Variants in INSC observed in about 807,000 individuals in gnomAD.
INSC encodes the protein protein inscuteable homolog.
In INSC, 67 loss-of-function variants were observed where a neutral mutation model predicts 58.6. That is an observed-to-expected ratio of 1.14 (90% CI 0.94 to 1.40). The LOEUF (loss-of-function observed/expected upper bound fraction) is 1.40. Ranked by LOEUF, INSC falls within the 40% of genes most tolerant of loss-of-function variation. The probability of loss-of-function intolerance (pLI) is 0.00; values close to 1 mark genes in which losing one functional copy is unlikely to be tolerated. For synonymous variants in INSC, 262 were observed against 276.1 expected (o/e 0.95, Z 0.51); for missense variants, 714 against 692.0 (o/e 1.03, Z -0.36).
At chr11:15,226,293 T>C (rs1792560) in intron 9 of INSC, among the ~76,000 whole-genome samples, 97,134 of 151,946 alleles carry the variant, frequency 0.64, 31,684 homozygotes, top group East Asian at 0.96. Flanking sequence ...CCCCTCTTTA[T>C]CTCCATGAGA....
intron 5 of INSC, among the ~76,000 whole-genome samples, chr11:15,187,549 C>A (rs555327287): frequency 6.6e-6 from 1 of 152,300 alleles, no homozygotes; most frequent in African/African-American, 2.4e-5. Context: ...GAGAGTTTAC[C>A]TCCCTTCTGA....
chr11:15,173,043 A>G (rs951485063), intron 2 of INSC, among the ~76,000 whole-genome samples: 30 of 152,358 alleles, frequency 2.0e-4, no homozygotes, highest in Admixed American at 1.9e-3. Flanking sequence ...ATTGAATTAC[A>G]ATTCAGAACA....
At chr11:15,193,851 C>A (rs1436163799) in intron 6 of INSC, among the ~76,000 whole-genome samples, 1 of 152,136 alleles carries the variant, frequency 6.6e-6, no homozygotes, top group Non-Finnish European at 1.5e-5. Context: ...GTTCTAGATC[C>A]TTGAGGAATC....
intron 1 of INSC, among the ~76,000 whole-genome samples, chr11:15,127,655 A>G (rs568755476): frequency 6.6e-6 from 1 of 152,276 alleles, no homozygotes; most frequent in African/African-American, 2.4e-5. Context: ...ATTGCGTTCC[A>G]TGTTCCTCAG....
chr11:15,236,216 T>C (rs1767125598), intron 10 of INSC, among the ~76,000 whole-genome samples: 1 of 151,216 alleles, frequency 6.6e-6, no homozygotes, highest in Admixed American at 6.6e-5. Context: ...TATAAGAAGA[T>C]AGCAAATGTC....
chr11:15,151,771 A>C (rs995418596), intron 2 of INSC, among the ~76,000 whole-genome samples: 1 of 152,092 alleles, frequency 6.6e-6, no homozygotes, highest in Non-Finnish European at 1.5e-5. Context: ...CTTTGGTTTA[A>C]CTTTCTTTAT....
intron 1 of INSC, among the ~76,000 whole-genome samples, chr11:15,142,415 G>A (rs186223139): frequency 1.3e-5 from 2 of 152,298 alleles, no homozygotes; most frequent in East Asian, 3.9e-4. Context: ...TGCCCTGCAC[G>A]CTCTTCCTTT....
downstream of INSC, among the ~76,000 whole-genome samples, chr11:15,249,055 T>G (rs1201300398): frequency 1.3e-5 from 2 of 151,912 alleles, no homozygotes; most frequent in East Asian, 1.9e-4. Context: ...TGACATGGAG[T>G]CTGGGCAGGG....
intron 6 of INSC, among the ~76,000 whole-genome samples, chr11:15,192,593 G>T (rs940573297): frequency 7.2e-5 from 11 of 152,158 alleles, no homozygotes; most frequent in African/African-American, 2.7e-4. Context: ...AGAGTTTGTT[G>T]AATGAGAAAG....
chr11:15,233,940 G>A (rs1374133637), intron 9 of INSC, among the ~76,000 whole-genome samples: 2 of 152,128 alleles, frequency 1.3e-5, no homozygotes, highest in Admixed American at 6.5e-5. Flanking sequence ...ATGTGCACAC[G>A]ATGCCTCTTG....
intron 6 of INSC, among the ~76,000 whole-genome samples, chr11:15,194,215 C>T (rs1414803015): frequency 6.6e-6 from 1 of 152,128 alleles, no homozygotes; most frequent in East Asian, 1.9e-4. Flanking sequence ...TTTTAGTCTC[C>T]TTTTTCACTT....
At chr11:15,184,519 C>A (rs1477609609) in intron 5 of INSC, 1 of 155,360 alleles carries the variant, frequency 6.4e-6, no homozygotes, top group Non-Finnish European at 1.4e-5. Context: ...CCTCAGCCTC[C>A]CAGGTAGCTG....
At chr11:15,129,958 G>A (rs1848088069) in intron 1 of INSC, among the ~76,000 whole-genome samples, 2 of 152,212 alleles carry the variant, frequency 1.3e-5, no homozygotes, top group Admixed American at 6.5e-5. Context: ...ACACAGCAGA[G>A]GCCAGATTCA....
In INSC at chr11:15,182,139, T is replaced by C. The variant is rs1346586284; in HGVS notation, c.579+3692T>C. On this transcript the variant is annotated intron_variant, in intron 5 of 12. Transcript: ENST00000379556. ...AAAGGGTTCAAAAAGCCCTTAATTC[T>C]GGATACATAATACTATCACAGCACT... Among the ~76,000 whole-genome samples, 10 of 152,326 alleles carry C rather than the reference T, an allele frequency of 6.6e-5. No individual in the cohort carries two copies. In the East Asian group the frequency reaches 1.9e-3, roughly 29 times the overall value.
intron 7 of INSC, among the ~76,000 whole-genome samples, chr11:15,220,777 C>T (rs891847543): frequency 3.9e-5 from 6 of 152,188 alleles, no homozygotes; most frequent in East Asian, 1.9e-4. Flanking sequence ...AGATCTGACC[C>T]GGGCAGAGCT....
At chr11:15,213,211 G>A (rs1367842615) in intron 7 of INSC, among the ~76,000 whole-genome samples, 1 of 151,814 alleles carries the variant, frequency 6.6e-6, no homozygotes, top group African/African-American at 2.4e-5. Flanking sequence ...AGGCCGAGGC[G>A]GGCAGATCAC....
chr11:15,241,014 A>AC (rs1852329297), intron 12 of INSC, among the ~76,000 whole-genome samples: 1 of 152,044 alleles, frequency 6.6e-6, no homozygotes, highest in Non-Finnish European at 1.5e-5. Flanking sequence ...ATGACAAGAC[A>AC]GAGTGGACTA....
the INSC span, among the ~76,000 whole-genome samples, chr11:15,256,547 T>C: frequency 6.6e-6 from 1 of 150,908 alleles, no homozygotes; most frequent in Non-Finnish European, 1.5e-5. Flanking sequence ...TGGAGTACAG[T>C]GGCAAGATCT....
intron 7 of INSC, among the ~76,000 whole-genome samples, chr11:15,215,948 T>G (rs1589979569): frequency 6.6e-6 from 1 of 152,112 alleles, no homozygotes; most frequent in Non-Finnish European, 1.5e-5. Context: ...GGGGTTGAGG[T>G]GCCCGTGGAA....
Sources: allele counts gnomAD v4.1 joint callset (sites outside exome capture counted in the v4.1 genomes callset), GRCh38; gene constraint gnomAD v4.1.1; transcripts MANE v1.5; gene names NCBI Gene and HGNC (gene_info 2026-07-23, HGNC 2026-07-21).